Variants in TEC observed in about 807,000 individuals in gnomAD.
TEC encodes tyrosine-protein kinase Tec.
TEC carries 72 observed loss-of-function variants against 93.0 expected under a neutral mutation model. That is an observed-to-expected ratio of 0.77 (90% CI 0.64 to 0.94). The LOEUF (loss-of-function observed/expected upper bound fraction) is 0.94, where lower values mean the gene tolerates loss of function less well. Among genes scored for constraint, TEC ranks in the 40% least tolerant of loss-of-function variants. TEC has a pLI of 0.00. For synonymous variants in TEC, 249 were observed against 247.7 expected (o/e 1.01, Z -0.05); for missense variants, 630 against 757.9 (o/e 0.83, Z 1.98).
chr4:48,203,569 G>T (rs184395432), intron 2 of TEC, among the ~76,000 whole-genome samples: 74 of 152,228 alleles, frequency 4.9e-4, no homozygotes, highest in African/African-American at 1.7e-3. Context: ...CCAGACACTG[G>T]GGTCAGGTGC....
At chr4:48,169,482 A>C (rs1253321553) in intron 5 of TEC, among the ~76,000 whole-genome samples, 2 of 152,128 alleles carry the variant, frequency 1.3e-5, no homozygotes, top group Non-Finnish European at 2.9e-5. Flanking sequence ...GCCAGGACTC[A>C]TAGAACTGAG....
chr4:48,233,471 G>A (rs184732447), intron 1 of TEC, among the ~76,000 whole-genome samples: 73 of 150,692 alleles, frequency 4.8e-4, no homozygotes, highest in African/African-American at 1.7e-3. Context: ...ACATGACCAC[G>A]CCCAGCTCAA....
intron 1 of TEC, among the ~76,000 whole-genome samples, chr4:48,251,911 C>T (rs1177360575): frequency 6.6e-6 from 1 of 152,098 alleles, no homozygotes; most frequent in African/African-American, 2.4e-5. Flanking sequence ...TGCTACCTGA[C>T]ATAGAATAAA....
At chr4:48,144,071 CCAGGCATG>C (rs978474858) in intron 14 of TEC, among the ~76,000 whole-genome samples, 1 of 152,028 alleles carries the variant, frequency 6.6e-6, no homozygotes, top group Admixed American at 6.6e-5. Flanking sequence ...CAAAAATTAG[CCAGGCATG>C]GTGGCACGTG....
At chr4:48,138,284 A>T (rs563983281) in intron 17 of TEC, among the ~76,000 whole-genome samples, 12 of 152,266 alleles carry the variant, frequency 7.9e-5, no homozygotes, top group African/African-American at 2.9e-4. Flanking sequence ...ACTTTCAAAG[A>T]CCTCGGAAAG....
rs1724483416 is a variant in TEC at position 48,260,927 on chromosome 4, G to GT, written c.-46+8824dup. 1.3e-5 allele frequency among the ~76,000 whole-genome samples: 2 copies of GT among 152,148 alleles called. 1 individual carries two copies. The highest frequency in any genetic ancestry group is 4.1e-4 in the South Asian group (2 of 4,828). On this transcript the variant is annotated intron_variant, in intron 1 of 17. Coordinates refer to ENST00000381501, the MANE Select transcript of TEC (RefSeq NM_003215.3). ...TAGGGTTATTTTTAATTTCTTCTTT[G>GT]TAAGCTTCAGTATTGTTTACATCTT...
At chr4:48,226,515 T>A (rs531100791) in intron 2 of TEC, among the ~76,000 whole-genome samples, 4 of 152,196 alleles carry the variant, frequency 2.6e-5, no homozygotes, top group Admixed American at 2.6e-4. Flanking sequence ...TGTATGATGA[T>A]CCACTTCCCG....
At chr4:48,264,701 A>G (rs1724586791) in intron 1 of TEC, among the ~76,000 whole-genome samples, 1 of 150,526 alleles carries the variant, frequency 6.6e-6, no homozygotes, top group African/African-American at 2.4e-5. Context: ...CAGTGGCATC[A>G]TATCGGCTCA....
At position 48,170,267 on chromosome 4, in the gene TEC, T is replaced by C; in HGVS notation, c.435A>G (p.Lys145=). ...QTEKLAPGCE[K]YNLFESSIRK... is the part of the protein sequence containing the mutation. ...ACTTACTGCTCTCAAAAAGATTGTA[T>C]TTTTCACATCCGGGTGCTAATTTTT... The change falls in exon 5 of 18, where the codon AAA becomes AAG. Residue 145 remains lysine (K), a synonymous_variant. Coordinates refer to ENST00000381501, the MANE Select transcript of TEC (RefSeq NM_003215.3). The C allele has an allele frequency of 6.3e-7, 1 of 1,595,138 alleles. No individual in the cohort carries two copies. The highest frequency in any genetic ancestry group is 8.6e-7 in the Non-Finnish European group (1 of 1,164,644).
rs1005983702 is a variant in TEC at position 48,136,809 on chromosome 4, C to T, written c.*607G>A. Reference sequence around the variant, plus strand: ...CAATTAAAAGACAATTCGTGTTTCTCATAAATATATAACTTTATATATTAT... The same window carrying T: ...CAATTAAAAGACAATTCGTGTTTCTTATAAATATATAACTTTATATATTAT... On this transcript the variant is annotated 3_prime_UTR_variant, in exon 18 of 18. Transcript: ENST00000381501. 1.3e-5 allele frequency: 2 copies of T among 151,802 alleles called. No individual in the cohort carries two copies. The highest frequency in any genetic ancestry group is 2.9e-5 in the Non-Finnish European group (2 of 67,972). 9.4% of individuals were successfully genotyped at this position (151,802 alleles called of 1,614,324 possible). A position where few individuals can be genotyped will look rare whatever the true frequency, so the allele number is the denominator to read the frequency against.
At chr4:48,196,572 A>C (rs2109589107) in intron 2 of TEC, among the ~76,000 whole-genome samples, 1 of 152,328 alleles carries the variant, frequency 6.6e-6, no homozygotes, top group East Asian at 1.9e-4. Flanking sequence ...GCCCTTAGGA[A>C]ACCTAAAAGC....
chr4:48,253,210 C>T lies in TEC; in HGVS notation c.-46+16542G>A, dbSNP rs1479368671. ...ACTTTTTATTCATCAGGCAGTAAAA[C>T]GGCTAAGTAACTTGATTCATACCTA... On this transcript the variant is annotated intron_variant, in intron 1 of 17. Transcript: ENST00000381501. Among the ~76,000 whole-genome samples the T allele has an allele frequency of 1.2e-4, 19 of 152,262 alleles. No individual in the cohort carries two copies. The East Asian group carries it at 2.7e-3, about 22-fold the overall frequency.
chr4:48,185,033 C>T (rs1024407871), intron 2 of TEC, among the ~76,000 whole-genome samples: 1 of 151,404 alleles, frequency 6.6e-6, no homozygotes, highest in Admixed American at 6.6e-5. Flanking sequence ...TATCAAAGTA[C>T]CATAATAGAG....
intron 2 of TEC, among the ~76,000 whole-genome samples, chr4:48,221,497 G>T (rs1163683020): frequency 6.6e-6 from 1 of 152,168 alleles, no homozygotes; most frequent in Non-Finnish European, 1.5e-5. Flanking sequence ...ATGCTGAACT[G>T]TGAGTCAATT....
intron 2 of TEC, among the ~76,000 whole-genome samples, chr4:48,216,082 A>G (rs1723068699): frequency 6.6e-6 from 1 of 152,136 alleles, no homozygotes; most frequent in African/African-American, 2.4e-5. Context: ...ATAAATCTTT[A>G]TAGGCCTCAG....
intron 1 of TEC, among the ~76,000 whole-genome samples, chr4:48,256,397 A>G (rs910368332): frequency 2.6e-5 from 4 of 151,706 alleles, no homozygotes; most frequent in African/African-American, 9.7e-5. Context: ...CAGTTTGGGC[A>G]ACATGACAAA....
chr4:48,141,603 A>G (rs949725932), intron 14 of TEC, 184 bp from the exon 15 acceptor site: 24 of 527,922 alleles, frequency 4.5e-5, no homozygotes, highest in Non-Finnish European at 7.6e-5. Flanking sequence ...GAAAAAAATG[A>G]ATAGGCAGGT....
At chr4:48,237,022 T>A (rs73246007) in intron 1 of TEC, among the ~76,000 whole-genome samples, 21,409 of 151,692 alleles carry the variant, frequency 0.14, 1,967 homozygotes, top group Non-Finnish European at 0.2. Context: ...ATTTGTCAAT[T>A]AAAAAATAAA....
intron 1 of TEC, among the ~76,000 whole-genome samples, chr4:48,233,227 C>G (rs1238720683): frequency 6.6e-6 from 1 of 152,026 alleles, no homozygotes; most frequent in East Asian, 1.9e-4. Flanking sequence ...AGGGAAAAGT[C>G]TTGAAGACAC....
Sources: allele counts gnomAD v4.1 joint callset (sites outside exome capture counted in the v4.1 genomes callset), GRCh38; gene constraint gnomAD v4.1.1; transcripts MANE v1.5; gene names NCBI Gene and HGNC (gene_info 2026-07-23, HGNC 2026-07-21).